The following SRRM2 variants were observed in gnomAD, a reference collection of about 807,000 sequenced individuals.
SRRM2 encodes the protein serine/arginine repetitive matrix 2, also known as serine/arginine repetitive matrix protein 2.
SRRM2 carries 30 observed loss-of-function variants against 213.8 expected under a neutral mutation model. The observed-to-expected ratio is 0.14, with a 90% CI of 0.10 to 0.19. SRRM2 has a LOEUF of 0.19. Ranked by LOEUF, SRRM2 falls within the 10% of genes least tolerant of loss-of-function variation. The probability of loss-of-function intolerance (pLI) is 1.00; values close to 1 mark genes in which losing one functional copy is unlikely to be tolerated. For synonymous variants in SRRM2, 2,025 were observed against 1,377.7 expected (o/e 1.47, Z -10.40); for missense variants, 4,904 against 3,647.0 (o/e 1.34, Z -8.88).
chr16:2,761,532 C>T (rs777777319), intron 10 of SRRM2, 29 bp from the exon 11 acceptor site: 8 of 1,459,634 alleles, frequency 5.5e-6, no homozygotes, highest in African/African-American at 4.3e-5. Flanking sequence ...TTTATGAATC[C>T]CTATCCCTGC....
chr16:2,758,478 G>T lies in SRRM2; in HGVS notation c.524G>T (p.Arg175Leu). ...PEPPKPYSLV[R>L]ESSSSRSPTP... is the part of the protein sequence containing the mutation. Reference sequence around the variant, plus strand: ...TTTTCATTTTTCCCTAGCCTTGTTCGGGAGTCTAGCAGTTCTCGCTCACCA... The same window carrying T: ...TTTTCATTTTTCCCTAGCCTTGTTCTGGAGTCTAGCAGTTCTCGCTCACCA... Residue 175 changes from arginine (R) to leucine (L), a missense_variant, in exon 5 of 15, where the codon CGG becomes CTG. By Grantham distance (102) the Arg-to-Leu change is moderately radical (BLOSUM62 -2). Transcript: ENST00000301740. 1.2e-6 allele frequency: 2 copies of T among 1,613,834 alleles called. No homozygotes were observed. Among genetic ancestry groups the T allele is most frequent in the Non-Finnish European group, 1.7e-6 (2 of 1,179,884 alleles).
At position 2,767,214 on chromosome 16, in the gene SRRM2, CCAG is replaced by C; in HGVS notation, c.6690_6692del (p.Ser2230del). The C allele has an allele frequency of 6.2e-7, 1 of 1,614,188 alleles. No homozygotes were observed. The highest frequency in any genetic ancestry group is 8.5e-7 in the Non-Finnish European group (1 of 1,180,042). ...AGAACCGCACCAGCAGCCAACCTTGCCAGCAGGATTCCTGCAGCCTCTGCGGCA... is the reference window on the plus strand; with the variant it reads ...AGAACCGCACCAGCAGCCAACCTTGCCAGGATTCCTGCAGCCTCTGCGGCA... On this transcript the variant is annotated inframe_deletion, in exon 11 of 15. Transcript: ENST00000301740.
In SRRM2 at chr16:2,768,067, T is replaced by C; in HGVS notation, c.7539T>C (p.Thr2513=). The C allele has an allele frequency of 6.2e-7, 1 of 1,614,142 alleles. No individual in the cohort carries two copies. Among genetic ancestry groups the C allele is most frequent in the Non-Finnish European group, 8.5e-7 (1 of 1,180,000 alleles). ...HSDVGEPPAS[T]GAQQPSALAA... ...ATGTGGGGGAGCCACCTGCCTCTAC[T>C]GGGGCCCAGCAGCCTTCTGCATTAG... The change falls in exon 11 of 15, where the codon ACT becomes ACC. Residue 2513 remains threonine (T), a synonymous_variant. Coordinates refer to ENST00000301740, the MANE Select transcript of SRRM2 (RefSeq NM_016333.4).
chr16:2,767,129 G>C lies in SRRM2; in HGVS notation c.6601G>C (p.Ala2201Pro), dbSNP rs1038602625. The C allele has an allele frequency of 6.2e-6, 10 of 1,614,166 alleles. No homozygotes were observed. The East Asian group carries it at 2.2e-4, about 36-fold the overall frequency. ...GTARPPPSMSAAGLAARMSQV... is the reference protein window; with the variant it reads ...GTARPPPSMSPAGLAARMSQV... ...CGCTCGGCCTCCTCCGTCCATGTCT[G>C]CTGCTGGCCTTGCTGCAAGAATGTC... The change falls in exon 11 of 15, where the codon GCT (alanine) becomes CCT (proline). Residue 2201 changes from alanine to proline, a missense_variant. Transcript: ENST00000301740.
rs766343322 is a variant in SRRM2, at chr16:2,769,101, GCTC to G, written c.7845_7847del (p.Ser2648del). The stretch of plus-strand genomic sequence containing the variant: ...AGGCGCTCTAGCAGTTCCAGTTCCA[GCTC>G]CTCCTCTTCATCTTCCTCCTCCTCC... On this transcript the variant is annotated inframe_deletion, in exon 12 of 15. Transcript: ENST00000301740. 2.4e-5 allele frequency: 39 copies of G among 1,613,780 alleles called. No homozygotes were observed. The highest frequency in any genetic ancestry group is 1.6e-4 in the Middle Eastern group (1 of 6,070).
At position 2,759,119 on chromosome 16, in the gene SRRM2, TTCTTC is replaced by T; in HGVS notation, c.657-16_657-12del. 1 of 1,614,138 alleles carries T rather than the reference TTCTTC, an allele frequency of 6.2e-7. No homozygotes were observed. The highest frequency in any genetic ancestry group is 8.5e-7 in the Non-Finnish European group (1 of 1,180,024). On this transcript the variant is annotated splice_polypyrimidine_tract_variant and intron_variant, in intron 6 of 14. Coordinates refer to ENST00000301740, the MANE Select transcript of SRRM2 (RefSeq NM_016333.4). ...CAGGCAGAGGTGTTTCTTATGTTTTTTCTTCTCTTTTTTCCAACAGGTCAGAATCT... is the reference window on the plus strand; with the variant it reads ...CAGGCAGAGGTGTTTCTTATGTTTTTTCTTTTTTCCAACAGGTCAGAATCT...
chr16:2,758,515 G>C lies in SRRM2; in HGVS notation c.561G>C (p.Gln187His). Reference sequence around the variant, plus strand: ...GTTCTCGCTCACCAACCCCAAAGCAGAAGAAGAAGAAAAAGAAGAAAGATA... The same window carrying C: ...GTTCTCGCTCACCAACCCCAAAGCACAAGAAGAAGAAAAAGAAGAAAGATA... Reference protein sequence around the residue: ...SSSSRSPTPKQKKKKKKKDRG... With the variant: ...SSSSRSPTPKHKKKKKKKDRG... Residue 187 changes from glutamine (Q) to histidine (H), a missense_variant, in exon 5 of 15, where the codon CAG (glutamine) becomes CAC (histidine). Gln to His is a conservative substitution (Grantham distance 24). Coordinates refer to ENST00000301740, the MANE Select transcript of SRRM2 (RefSeq NM_016333.4). 1 of 1,613,682 alleles carries C rather than the reference G, an allele frequency of 6.2e-7. No homozygotes were observed. Among genetic ancestry groups the C allele is most frequent in the South Asian group, 1.1e-5 (1 of 91,072 alleles).
rs766242786 is a variant in SRRM2 at position 2,767,302 on chromosome 16, C to G, written c.6774C>G (p.Asp2258Glu). Residue 2258 changes from aspartate to glutamate, a missense_variant, in exon 11 of 15, where the codon GAC (aspartate) becomes GAG (glutamate). Asp to Glu is a conservative substitution (Grantham distance 45). Transcript: ENST00000301740. ...PAIPTAVNLA[D>E]SRTPAAAAAM... ...TTCCAACAGCAGTGAACCTGGCTGACTCTCGAACGCCAGCTGCAGCAGCGG... is the reference window on the plus strand; with the variant it reads ...TTCCAACAGCAGTGAACCTGGCTGAGTCTCGAACGCCAGCTGCAGCAGCGG... 1.9e-5 allele frequency: 30 copies of G among 1,613,940 alleles called. No homozygotes were observed. The highest frequency in any genetic ancestry group is 1.6e-4 in the Middle Eastern group (1 of 6,084).
rs149089137 is a variant in SRRM2, at chr16:2,763,542, C to T, written c.3014C>T (p.Pro1005Leu). The T allele has an allele frequency of 9.2e-5, 148 of 1,614,166 alleles. No homozygotes were observed. In the African/African-American group the frequency reaches 1.5e-3, roughly 17 times the overall value. The change falls in exon 11 of 15, where the codon CCG becomes CTG. Residue 1005 changes from proline to leucine, a missense_variant. Pro to Leu is a moderately conservative substitution (Grantham distance 98). Coordinates refer to ENST00000301740, the MANE Select transcript of SRRM2 (RefSeq NM_016333.4). ...CCCAAAGTAAAGGCCCAAACTCCAC[C>T]GGGGCCAAGTCTTTCTGGATCAAAG... Reference protein sequence around the residue: ...PYPKVKAQTPPGPSLSGSKSP... With the variant: ...PYPKVKAQTPLGPSLSGSKSP...
rs1206642903 is a variant in SRRM2, at chr16:2,766,502, A to G, written c.5974A>G (p.Arg1992Gly). The part of the protein sequence containing the change: ...SRSRTSPVTR[R>G]RSRSRTSPVT... ...ATCCAGAACATCTCCGGTCACCCGA[A>G]GGAGATCTCGATCTCGCACATCTCC... The change falls in exon 11 of 15, where the codon AGG becomes GGG. Residue 1992 changes from arginine to glycine, a missense_variant. By Grantham distance (125) the Arg-to-Gly change is moderately radical. Coordinates refer to ENST00000301740, the MANE Select transcript of SRRM2 (RefSeq NM_016333.4). This position sits in a 1 kb window ranked among gnomAD's most constrained non-coding sequence, Gnocchi z 7.0. 6.2e-7 allele frequency: 1 copy of G among 1,614,160 alleles called. No individual in the cohort carries two copies. Among genetic ancestry groups the G allele is most frequent in the Non-Finnish European group, 8.5e-7 (1 of 1,180,024 alleles).
At position 2,760,392 on chromosome 16, in the gene SRRM2, C is replaced by T; in HGVS notation, c.925C>T (p.Pro309Ser). The T allele has an allele frequency of 1.2e-6, 2 of 1,614,136 alleles. No individual in the cohort carries two copies. The highest frequency in any genetic ancestry group is 1.7e-6 in the Non-Finnish European group (2 of 1,180,040). The change falls in exon 10 of 15, where the codon CCT (proline) becomes TCT (serine). Residue 309 changes from proline (P) to serine (S), a missense_variant. Physicochemically the swap from Pro to Ser is moderately conservative, Grantham distance 74. Transcript: ENST00000301740. ...ASGRRGEGDA[P>S]FSEPGTTSTQ... ...AGGGCGACGCGGGGAGGGAGATGCGCCTTTCAGTGAACCAGGTACTACCAG... is the reference window on the plus strand; with the variant it reads ...AGGGCGACGCGGGGAGGGAGATGCGTCTTTCAGTGAACCAGGTACTACCAG...
intron 1 of SRRM2, among the ~76,000 whole-genome samples, chr16:2,754,452 C>T (rs1283369205): frequency 6.6e-6 from 1 of 152,176 alleles, no homozygotes; most frequent in Non-Finnish European, 1.5e-5. Context: ...CGCCGCCGCC[C>T]AGCTAATTTT....
intron 14 of SRRM2, 56 bp downstream of exon 14, chr16:2,770,773 G>A: frequency 6.2e-7 from 1 of 1,604,466 alleles, no homozygotes; most frequent in Non-Finnish European, 8.5e-7. Flanking sequence ...GGTGGTGGGT[G>A]GCGGCCCCAT....
intron 12 of SRRM2, 108 bp from the exon 13 acceptor site, chr16:2,770,244 C>T: frequency 2.0e-6 from 3 of 1,466,266 alleles, no homozygotes; most frequent in South Asian, 1.4e-5. Flanking sequence ...CTGAGGCTGG[C>T]CCTGTGTGGT....
At chr16:2,759,999 G>T in intron 9 of SRRM2, 1 of 541,562 alleles carries the variant, frequency 1.8e-6, no homozygotes, top group South Asian at 2.2e-5. Flanking sequence ...TGAAGGAGGT[G>T]GGCTCAGAGG....
At position 2,763,142 on chromosome 16, in the gene SRRM2, T is replaced by C; in HGVS notation, c.2614T>C (p.Cys872Arg). The change falls in exon 11 of 15, where the codon TGT (cysteine) becomes CGT (arginine). Residue 872 changes from cysteine to arginine, a missense_variant. By Grantham distance (180) the Cys-to-Arg change is radical. Transcript: ENST00000301740. ...EQSVTPQRRS[C>R]FESSPDPELK... is the part of the protein sequence containing the mutation. ...ATCTGTAACGCCACAGAGACGGAGC[T>C]GTTTTGAATCATCACCTGACCCTGA... 6.2e-7 allele frequency: 1 copy of C among 1,613,976 alleles called. No homozygotes were observed. The highest frequency in any genetic ancestry group is 8.5e-7 in the Non-Finnish European group (1 of 1,179,970).
intron 10 of SRRM2, chr16:2,760,702 A>C: frequency 1.7e-6 from 1 of 584,054 alleles, no homozygotes; most frequent in East Asian, 3.0e-5. Flanking sequence ...TTAGAATCAA[A>C]TCTCACTGGA....
chr16:2,766,754 C>A lies in SRRM2; in HGVS notation c.6226C>A (p.Arg2076Ser). The A allele has an allele frequency of 6.2e-7, 1 of 1,614,186 alleles. No individual in the cohort carries two copies. Among genetic ancestry groups the A allele is most frequent in the East Asian group, 2.2e-5 (1 of 44,888 alleles). ...RSLTRSPPAI[R>S]RRSASGSSSD... ...CTTAACAAGATCTCCTCCAGCCATCCGCAGGCGTTCTGCATCTGGAAGTAG... is the reference window on the plus strand; with the variant it reads ...CTTAACAAGATCTCCTCCAGCCATCAGCAGGCGTTCTGCATCTGGAAGTAG... Residue 2076 changes from arginine (R) to serine (S), a missense_variant, in exon 11 of 15, where the codon CGC becomes AGC. Coordinates refer to ENST00000301740, the MANE Select transcript of SRRM2 (RefSeq NM_016333.4). This position sits in a 1 kb window ranked among gnomAD's most constrained non-coding sequence, Gnocchi z 7.0.
Position 2,771,097 on chromosome 16 carries a change from G to GGGGGGCC in SRRM2, c.*230_*231insGGGGGCC. 1 of 336,638 alleles carries GGGGGGCC rather than the reference G, an allele frequency of 3.0e-6. No homozygotes were observed. The highest frequency in any genetic ancestry group is 5.7e-6 in the Non-Finnish European group (1 of 174,698). 20.9% of individuals were successfully genotyped at this position (336,638 alleles called of 1,614,324 possible). A position where few individuals can be genotyped will look rare whatever the true frequency, so the allele number is the denominator to read the frequency against. On this transcript the variant is annotated 3_prime_UTR_variant, in exon 15 of 15. Transcript: ENST00000301740. Reference sequence around the variant, plus strand: ...GTTCTGGGGGGTTTGGGGTGGGAGGGAATGCAGATGGGAGTTGGGGGAGGG... The same window carrying GGGGGGCC: ...GTTCTGGGGGGTTTGGGGTGGGAGGGGGGGGCCAATGCAGATGGGAGTTGGGGGAGGG...
Sources: gnomAD v4.1 joint callset for allele counts (sites outside exome capture counted in the v4.1 genomes callset) on GRCh38, gnomAD v4.1.1 for gene constraint, Gnocchi (gnomAD v3.1) non-coding constraint, MANE v1.5 for transcripts, NCBI Gene and HGNC (gene_info 2026-07-23, HGNC 2026-07-21) for gene names.